AFG1L: variants seen among roughly 807,000 people sequenced by gnomAD.
AFG1L encodes AFG1-like ATPase.
AFG1L carries 53 observed loss-of-function variants against 62.2 expected under a neutral mutation model. That is an observed-to-expected ratio of 0.85 (90% CI 0.68 to 1.07). AFG1L has a LOEUF of 1.07. Among genes scored for constraint, AFG1L ranks in the 50% least tolerant of loss-of-function variants. The pLI is 0.00. For synonymous variants in AFG1L, 228 were observed against 210.3 expected (o/e 1.08, Z -0.73); for missense variants, 555 against 590.5 (o/e 0.94, Z 0.62).
At chr6:108,513,894 G>A (rs577281362) in intron 11 of AFG1L, among the ~76,000 whole-genome samples, 4 of 152,154 alleles carry the variant, frequency 2.6e-5, no homozygotes, top group East Asian at 1.9e-4. Context: ...TCACATGGCC[G>A]GGTACTCCTC....
chr6:108,442,824 C>T (rs1369415175), intron 7 of AFG1L, among the ~76,000 whole-genome samples: 1 of 152,132 alleles, frequency 6.6e-6, no homozygotes, highest in Non-Finnish European at 1.5e-5. Flanking sequence ...AGAAACCCCC[C>T]TTAGTCTTGG....
chr6:108,441,995 T>C (rs1453201411), intron 7 of AFG1L, among the ~76,000 whole-genome samples: 2 of 152,082 alleles, frequency 1.3e-5, no homozygotes, highest in Non-Finnish European at 2.9e-5. Flanking sequence ...CTGAGTCATA[T>C]AAGATAAATT....
chr6:108,365,910 G>T (rs770414324), intron 5 of AFG1L, among the ~76,000 whole-genome samples: 2 of 151,926 alleles, frequency 1.3e-5, no homozygotes, highest in Non-Finnish European at 1.5e-5. Flanking sequence ...GAGGGTGTTG[G>T]TCATGTTAGT....
At chr6:108,448,861 AT>A (rs1292970996) in intron 8 of AFG1L, among the ~76,000 whole-genome samples, 1 of 152,180 alleles carries the variant, frequency 6.6e-6, no homozygotes, top group Non-Finnish European at 1.5e-5. Context: ...AAGTATATAA[AT>A]TCAAAGGCCA....
chr6:108,348,065 GTTTTGT>G (rs368344668), intron 3 of AFG1L, among the ~76,000 whole-genome samples: 95 of 151,948 alleles, frequency 6.3e-4, no homozygotes, highest in African/African-American at 1.8e-3. Flanking sequence ...AGTAGGTTTT[GTTTTGT>G]TTTTGTTTTT....
chr6:108,323,087 T>C (rs1777877001), intron 1 of AFG1L, among the ~76,000 whole-genome samples: 1 of 152,158 alleles, frequency 6.6e-6, no homozygotes. Flanking sequence ...ATGTTGTCTT[T>C]GAGTAGAGAA....
At chr6:108,519,520 C>T (rs1223551400) in intron 11 of AFG1L, among the ~76,000 whole-genome samples, 177 bp from the exon 12 acceptor site, 1 of 152,082 alleles carries the variant, frequency 6.6e-6, no homozygotes, top group Non-Finnish European at 1.5e-5. Context: ...AAGTACTATG[C>T]AGTTTTAAAA....
chr6:108,351,396 G>A (rs1035171159), intron 3 of AFG1L, among the ~76,000 whole-genome samples: 4 of 152,058 alleles, frequency 2.6e-5, no homozygotes, highest in African/African-American at 7.2e-5. Flanking sequence ...ATAGAAATGC[G>A]GTGGATTTTT....
intron 7 of AFG1L, among the ~76,000 whole-genome samples, chr6:108,428,442 G>T (rs1213821288): frequency 6.6e-6 from 1 of 152,136 alleles, no homozygotes; most frequent in African/African-American, 2.4e-5. Context: ...TGATGTAATG[G>T]TTTCTTTTCC....
At chr6:108,384,220 C>T (rs1218798827) in intron 6 of AFG1L, among the ~76,000 whole-genome samples, 2 of 152,194 alleles carry the variant, frequency 1.3e-5, no homozygotes, top group Non-Finnish European at 2.9e-5. Flanking sequence ...AAAATCCAGT[C>T]TTTCTGGCCT....
chr6:108,366,164 A>G, intron 5 of AFG1L, 69 bp from the exon 6 acceptor site: 5 of 851,676 alleles, frequency 5.9e-6, no homozygotes, highest in African/African-American at 1.7e-5. Context: ...AAAAAAAAAG[A>G]TGATCCACTA....
chr6:108,426,352 A>G (rs1314155199), intron 7 of AFG1L, among the ~76,000 whole-genome samples: 1 of 152,186 alleles, frequency 6.6e-6, no homozygotes, highest in Non-Finnish European at 1.5e-5. Context: ...GGAACTTCCT[A>G]TTAGCTTGAA....
chr6:108,295,602 G>A (rs757719398), intron 1 of AFG1L, among the ~76,000 whole-genome samples: 13 of 152,094 alleles, frequency 8.5e-5, no homozygotes, highest in Admixed American at 2.0e-4. Context: ...TGGAGGAAGA[G>A]CCGCGCCTGG....
At chr6:108,478,036 T>G (rs1773185554) in intron 10 of AFG1L, among the ~76,000 whole-genome samples, 1 of 152,232 alleles carries the variant, frequency 6.6e-6, no homozygotes, top group African/African-American at 2.4e-5. Flanking sequence ...TCATTCTAGC[T>G]GGTCTCTGAT....
At chr6:108,380,919 C>T (rs1780478637) in intron 6 of AFG1L, among the ~76,000 whole-genome samples, 1 of 152,212 alleles carries the variant, frequency 6.6e-6, no homozygotes, top group Non-Finnish European at 1.5e-5. Flanking sequence ...TGGATGCTAT[C>T]ATGGGGGCTG....
At chr6:108,378,826 C>CT (rs1231545488) in intron 6 of AFG1L, among the ~76,000 whole-genome samples, 4 of 150,988 alleles carry the variant, frequency 2.6e-5, no homozygotes, top group East Asian at 1.9e-4. Context: ...TTTTCTTTTT[C>CT]TTTTTTTTCC....
intron 10 of AFG1L, among the ~76,000 whole-genome samples, chr6:108,506,136 A>G (rs949038157): frequency 1.3e-5 from 2 of 152,176 alleles, no homozygotes; most frequent in East Asian, 3.9e-4. Flanking sequence ...ACAGACACCA[A>G]ATCTGCAGAT....
chr6:108,370,617 GAGA>G (rs1779960933), intron 6 of AFG1L, among the ~76,000 whole-genome samples: 1 of 152,140 alleles, frequency 6.6e-6, no homozygotes, highest in African/African-American at 2.4e-5. Flanking sequence ...TGGATATGGA[GAGA>G]AGGATAGATT....
At chr6:108,385,685 C>A (rs191421519) in intron 6 of AFG1L, among the ~76,000 whole-genome samples, 5 of 152,112 alleles carry the variant, frequency 3.3e-5, no homozygotes, top group Admixed American at 1.3e-4. Context: ...TCTCCACAAG[C>A]GAGCTGGTCT....
Sources: allele counts gnomAD v4.1 joint callset (sites outside exome capture counted in the v4.1 genomes callset), GRCh38; gene constraint gnomAD v4.1.1; transcripts MANE v1.5; gene names NCBI Gene and HGNC (gene_info 2026-07-23, HGNC 2026-07-21).